Variants in DST observed in about 807,000 individuals in gnomAD.
The protein encoded by DST is bullous pemphigoid antigen.
DST carries 253 observed loss-of-function variants against 875.2 expected under a neutral mutation model. The observed-to-expected ratio is 0.29, with a 90% CI of 0.26 to 0.32. The LOEUF (loss-of-function observed/expected upper bound fraction) is 0.32, where lower values mean the gene tolerates loss of function less well. Among genes scored for constraint, DST ranks in the 10% least tolerant of loss-of-function variants. The pLI is 1.00. For synonymous variants in DST, 3,124 were observed against 3,197.1 expected, an observed-to-expected ratio of 0.98 and a Z score of 0.77; for missense variants, 8,287 against 9,111.6, an observed-to-expected ratio of 0.91 and a Z score of 3.68.
chr6:56,862,104 C>G (rs1771506420), intron 3 of DST, among the ~76,000 whole-genome samples: 2 of 151,994 alleles, frequency 1.3e-5, no homozygotes, highest in Admixed American at 1.3e-4. Flanking sequence ...GCAGCTTGGT[C>G]AAATGTGAGT....
intron 49 of DST, among the ~76,000 whole-genome samples, chr6:56,585,525 T>C (rs1381276157): frequency 1.3e-5 from 2 of 152,136 alleles, no homozygotes; most frequent in Non-Finnish European, 2.9e-5. Flanking sequence ...ATCAATTTTG[T>C]TGATCCTTTC....
At chr6:56,729,578 G>A (rs545629597) in intron 5 of DST, among the ~76,000 whole-genome samples, 1 of 147,344 alleles carries the variant, frequency 6.8e-6, no homozygotes, top group African/African-American at 2.5e-5. Context: ...TTGCACTCCA[G>A]CCTGGGCGAC....
intron 3 of DST, among the ~76,000 whole-genome samples, chr6:56,867,625 T>G (rs751356291): frequency 1.3e-5 from 2 of 152,104 alleles, no homozygotes; most frequent in South Asian, 2.1e-4. Context: ...ATCAAGACCA[T>G]CCTGGCCAAC....
chr6:56,822,041 T>C (rs892244039), intron 4 of DST, among the ~76,000 whole-genome samples: 1 of 152,166 alleles, frequency 6.6e-6, no homozygotes, highest in African/African-American at 2.4e-5. Flanking sequence ...GCCCACAACA[T>C]TTCTATAGTC....
rs1482869987 is a variant in DST at position 56,895,909 on chromosome 6, C to T, written c.417+4512G>A. 7.4e-5 allele frequency among the ~76,000 whole-genome samples: 3 copies of T among 40,458 alleles called. 1 individual carries two copies. Among genetic ancestry groups the T allele is most frequent in the South Asian group, 6.7e-4 (1 of 1,486 alleles). The allele number at this position is 40,458 out of a possible 152,430, so 26.5% of individuals were successfully genotyped here. A position where few individuals can be genotyped will look rare whatever the true frequency, so the allele number is the denominator to read the frequency against. ...GCGCGCGCCTGCAATCGCAGGCACT[C>T]GGCAGGCTGAGGCAGGAGAATCAGG... On this transcript the variant is annotated intron_variant, in intron 3 of 103. Transcript: ENST00000680361.
intron 9 of DST, among the ~76,000 whole-genome samples, chr6:56,673,911 A>G (rs1308037659): frequency 6.6e-6 from 1 of 152,210 alleles, no homozygotes; most frequent in African/African-American, 2.4e-5. Context: ...TCATCCTCTT[A>G]TAGCAATTTA....
chr6:56,663,325 G>A (rs2099054862), intron 10 of DST, among the ~76,000 whole-genome samples: 1 of 152,162 alleles, frequency 6.6e-6, no homozygotes, highest in African/African-American at 2.4e-5. Context: ...CACTTGGCAA[G>A]GTAAATAAGC....
At chr6:56,902,667 C>T (rs1794667905) in intron 2 of DST, among the ~76,000 whole-genome samples, 1 of 152,230 alleles carries the variant, frequency 6.6e-6, no homozygotes, top group Non-Finnish European at 1.5e-5. Flanking sequence ...TGTTCCCATC[C>T]CGCCCCTGCG....
intron 5 of DST, among the ~76,000 whole-genome samples, chr6:56,727,523 G>C (rs2099467881): frequency 6.6e-6 from 1 of 152,134 alleles, no homozygotes; most frequent in Non-Finnish European, 1.5e-5. Flanking sequence ...CTTTGAAAAC[G>C]CTTTAGAAAT....
intron 4 of DST, among the ~76,000 whole-genome samples, chr6:56,848,018 A>C (rs1031136844): frequency 6.6e-6 from 1 of 152,174 alleles, no homozygotes; most frequent in Non-Finnish European, 1.5e-5. Flanking sequence ...TATCATTTCT[A>C]TGTATTGGTA....
rs140453110 is a variant in DST at position 56,481,118 on chromosome 6, T to A, written c.21531+932A>T. Among the ~76,000 whole-genome samples, 116 of 152,344 alleles carry A rather than the reference T, an allele frequency of 7.6e-4. 1 individual carries two copies. In the Middle Eastern group the frequency reaches 0.014, roughly 18 times the overall value. ...AAATGACATGGCAATATTTCATCGCTATAGATTCAGCAACCCATCTTTGAT... is the reference window on the plus strand; with the variant it reads ...AAATGACATGGCAATATTTCATCGCAATAGATTCAGCAACCCATCTTTGAT... On this transcript the variant is annotated intron_variant, in intron 90 of 103. Coordinates refer to ENST00000680361, the MANE Select transcript of DST (RefSeq NM_001374736.1).
At chr6:56,907,533 A>C (rs1796947403) in intron 2 of DST, among the ~76,000 whole-genome samples, 1 of 152,240 alleles carries the variant, frequency 6.6e-6, no homozygotes. Context: ...AAAGGCAAAA[A>C]GTTGCAATTA....
At chr6:56,940,025 CA>C (rs1237617226) in intron 2 of DST, among the ~76,000 whole-genome samples, 9 of 138,576 alleles carry the variant, frequency 6.5e-5, no homozygotes, top group East Asian at 6.2e-4. Flanking sequence ...GACTCCGTCT[CA>C]AAAAAAAAAA....
rs2152712359 is a variant in DST at position 56,607,352 on chromosome 6, A to C, written c.7276T>G (p.Ser2426Ala). 1 of 1,613,172 alleles carries C rather than the reference A, an allele frequency of 6.2e-7. No individual in the cohort carries two copies. ...TENEDNTNRD[S>A]PIFDYSPRLS... ...CTGGGGGAATAGTCAAAGATAGGTGAATCCCTGTTTGTATTATCTTCATTC... is the reference window on the plus strand; with the variant it reads ...CTGGGGGAATAGTCAAAGATAGGTGCATCCCTGTTTGTATTATCTTCATTC... The change falls in exon 40 of 104, where the codon TCA (serine) becomes GCA (alanine). Residue 2426 changes from serine to alanine, a missense_variant. This residue lies in a region of DST where 3,138 missense variants were observed against 3,116.6 expected (regional missense o/e 1.01). Coordinates refer to ENST00000680361, the MANE Select transcript of DST (RefSeq NM_001374736.1).
At position 56,572,819 on chromosome 6, in the gene DST, T is replaced by C. The variant is rs755369237; in HGVS notation, c.13482A>G (p.Glu4494=). The C allele has an allele frequency of 1.7e-5, 27 of 1,611,092 alleles. No individual in the cohort carries two copies. Among genetic ancestry groups the C allele is most frequent in the Non-Finnish European group, 1.0e-5 (12 of 1,179,142 alleles). The change falls in exon 52 of 104, where the codon GAA becomes GAG. Residue 4494 remains glutamate (E), a synonymous_variant. Transcript: ENST00000680361. ...CTTCAGTAAGAGCCTGAGTTTTTGT[T>C]TCTAAAAATGTCTGGAGCTTTTCTG... ...NLSEKLQTFL[E]TKTQALTEVD...
At chr6:56,938,108 C>CTCTCTCTCTCTCTATATATATATATA (rs1383243392) in intron 2 of DST, among the ~76,000 whole-genome samples, 22 of 120,744 alleles carry the variant, frequency 1.8e-4, no homozygotes, top group African/African-American at 6.6e-4. Flanking sequence ...CTCTCTCTCT[C>CTCTCTCTCTCTCTATATATATATATA]TATATATATA....
At chr6:56,725,408 A>G (rs2099448463) in intron 5 of DST, among the ~76,000 whole-genome samples, 1 of 152,130 alleles carries the variant, frequency 6.6e-6, no homozygotes, top group African/African-American at 2.4e-5. Context: ...TCATTCACAG[A>G]CTACAGTGAA....
intron 85 of DST, among the ~76,000 whole-genome samples, chr6:56,489,834 T>C (rs1022918238): frequency 1.3e-5 from 2 of 152,194 alleles, no homozygotes; most frequent in Non-Finnish European, 2.9e-5. Flanking sequence ...TTTGTTTTAA[T>C]TCATTCAACA....
chr6:56,692,209 G>A (rs1160965226), intron 9 of DST, among the ~76,000 whole-genome samples: 2 of 152,160 alleles, frequency 1.3e-5, no homozygotes, highest in East Asian at 3.8e-4. Flanking sequence ...AATGTGCACA[G>A]CACAAAAATA....
Sources: gnomAD v4.1 joint callset for allele counts (sites outside exome capture counted in the v4.1 genomes callset) on GRCh38, gnomAD v4.1.1 for gene constraint, gnomAD v4.1.1 regional missense constraint, MANE v1.5 for transcripts, NCBI Gene and HGNC (gene_info 2026-07-23, HGNC 2026-07-21) for gene names.